SOX6: variants seen among roughly 807,000 people sequenced by gnomAD.
SOX6 encodes transcription factor SOX-6.
Under a neutral mutation model 97.8 loss-of-function variants are expected in SOX6, and 11 were observed. The observed-to-expected ratio is 0.11, with a 90% CI of 0.07 to 0.19. SOX6 has a LOEUF of 0.19. SOX6 is among the 10% of genes least tolerant of loss of function. The pLI is 1.00. For synonymous variants in SOX6, 360 were observed against 371.4 expected (o/e 0.97, Z 0.35); for missense variants, 810 against 1,039.5 (o/e 0.78, Z 3.04).
intron 3 of SOX6, among the ~76,000 whole-genome samples, chr11:16,678,560 T>C (rs1847902019): frequency 6.6e-6 from 1 of 152,194 alleles, no homozygotes. Context: ...GATTTCTGCA[T>C]TCCCAACTGA....
intron 9 of SOX6, among the ~76,000 whole-genome samples, chr11:16,069,404 T>C (rs1369243185): frequency 6.6e-6 from 1 of 152,166 alleles, no homozygotes; most frequent in Non-Finnish European, 1.5e-5. Context: ...GAACTGCAAA[T>C]AGAATTTGTA....
In SOX6 at chr11:15,972,865, G is replaced by A; in HGVS notation, c.2431C>T (p.Pro811Ser). Reference protein sequence around the residue: ...MEMYDDYEDDPKSDYSSENEA... With the variant: ...MEMYDDYEDDSKSDYSSENEA... ...TTTTCACTGCTATAGTCTGATTTGG[G>A]GTCATCTTCATAGTCATCATACATT... The change falls in exon 16 of 16, where the codon CCC (proline) becomes TCC (serine). Residue 811 changes from proline to serine, a missense_variant. Pro to Ser is a moderately conservative substitution (Grantham distance 74, BLOSUM62 -1). Transcript: ENST00000683767. 1 of 1,614,164 alleles carries A rather than the reference G, an allele frequency of 6.2e-7. No individual in the cohort carries two copies. Among genetic ancestry groups the A allele is most frequent in the Non-Finnish European group, 8.5e-7 (1 of 1,180,022 alleles).
chr11:16,484,348 G>GT lies in SOX6; in HGVS notation n.610-7961dup, dbSNP rs1449759519. ...TAAAGCCAGTTGGCCAGTGAATAAG[G>GT]TAAGGATCCAGGTAGTCCAGCTTCA... is the stretch of plus-strand genomic sequence containing the variant. On this transcript the variant is annotated intron_variant and non_coding_transcript_variant, in intron 4 of 5. Coordinates refer to the SOX6 transcript ENST00000524520. The GT allele has an allele frequency of 9.6e-6, 8 of 835,550 alleles. No individual in the cohort carries two copies. The Admixed American group carries it at 1.2e-4, about 13-fold the overall frequency. The allele number at this position is 835,550 out of a possible 1,614,324, so 51.8% of individuals were successfully genotyped here. A position where few individuals can be genotyped will look rare whatever the true frequency, so the allele number is the denominator to read the frequency against.
intron 3 of SOX6, chr11:16,315,947 T>A (rs1027825417): frequency 6.6e-6 from 1 of 152,208 alleles, no homozygotes; most frequent in Admixed American, 6.5e-5. Context: ...AACACAATAC[T>A]TCACAAACAT....
At chr11:16,344,498 G>T (rs1856724139) in intron 1 of SOX6, among the ~76,000 whole-genome samples, 2 of 151,780 alleles carry the variant, frequency 1.3e-5, no homozygotes, top group Admixed American at 6.6e-5. Flanking sequence ...TTGACTTTTG[G>T]TAATGCCTTT....
chr11:16,222,985 A>G (rs1260876424), intron 4 of SOX6, among the ~76,000 whole-genome samples: 2 of 152,196 alleles, frequency 1.3e-5, no homozygotes, highest in Non-Finnish European at 1.5e-5. Flanking sequence ...ATTATGCAGC[A>G]CAAAATTTAA....
chr11:16,404,033 A>T (rs1272905469), intron 1 of SOX6, among the ~76,000 whole-genome samples: 1 of 151,754 alleles, frequency 6.6e-6, no homozygotes, highest in Non-Finnish European at 1.5e-5. Flanking sequence ...GTAGAAAAGC[A>T]CTGTTTACAC....
chr11:16,063,496 TTATATATATATATATATATA>T (rs66968164), intron 9 of SOX6, among the ~76,000 whole-genome samples: 742 of 35,670 alleles, frequency 0.021, 17 homozygotes, highest in Non-Finnish European at 0.028. Context: ...TACCATAATT[TTATATATATATATATATATA>T]TATATATATA....
chr11:16,562,954 G>A (rs182356405), intron 4 of SOX6, among the ~76,000 whole-genome samples: 22 of 151,930 alleles, frequency 1.4e-4, no homozygotes, highest in Admixed American at 3.9e-4. Context: ...CCAGTGTTAA[G>A]GAAAGCTAGC....
At chr11:16,648,231 C>T (rs1849042294) in intron 3 of SOX6, among the ~76,000 whole-genome samples, 2 of 152,070 alleles carry the variant, frequency 1.3e-5, no homozygotes, top group Non-Finnish European at 2.9e-5. Context: ...AGGCCACTTG[C>T]TACCACTATC....
At position 16,175,205 on chromosome 11, in the gene SOX6, T is replaced by C. The variant is rs76243936; in HGVS notation, c.777+8681A>G. Among the ~76,000 whole-genome samples, 21 of 152,078 alleles carry C rather than the reference T, an allele frequency of 1.4e-4. No individual in the cohort carries two copies. The East Asian group carries it at 3.3e-3, about 24-fold the overall frequency. ...ACAAATGTGTGTATATGTGCACATG[T>C]AGAATATGTACATGAAGGTTTCTCT... On this transcript the variant is annotated intron_variant, in intron 6 of 15. Coordinates refer to ENST00000683767, the MANE Select transcript of SOX6 (RefSeq NM_001367873.1).
At chr11:16,622,693 A>G (rs1454232563) in intron 3 of SOX6, among the ~76,000 whole-genome samples, 2 of 152,062 alleles carry the variant, frequency 1.3e-5, no homozygotes, top group Admixed American at 1.3e-4. Flanking sequence ...CTGGTACCAT[A>G]TTTTTGCAAT....
chr11:16,076,894 C>T (rs964662043), intron 9 of SOX6, among the ~76,000 whole-genome samples: 1 of 151,540 alleles, frequency 6.6e-6, no homozygotes, highest in African/African-American at 2.4e-5. Context: ...GCTGGGACTA[C>T]AGGCGCCCGC....
rs1031202561 is a variant in SOX6 at position 16,583,354 on chromosome 11, T to G, written n.609+28727A>C. Among the ~76,000 whole-genome samples the G allele has an allele frequency of 2.6e-5, 4 of 151,594 alleles. No homozygotes were observed. In the East Asian group the frequency reaches 7.7e-4, roughly 29 times the overall value. On this transcript the variant is annotated intron_variant and non_coding_transcript_variant, in intron 4 of 5. Coordinates refer to the SOX6 transcript ENST00000524520. ...AAATTACTTTTAGCTATAGTCACCA[T>G]GCAGTGCTGTAGAACACTAGAACTT...
chr11:16,235,059 T>C (rs1214049435), intron 3 of SOX6, among the ~76,000 whole-genome samples: 1 of 151,964 alleles, frequency 6.6e-6, no homozygotes, highest in Non-Finnish European at 1.5e-5. Flanking sequence ...CCAAGCAAAA[T>C]GTATGTGCTG....
intron 4 of SOX6, among the ~76,000 whole-genome samples, chr11:16,567,752 T>C (rs1847891102): frequency 7.5e-6 from 1 of 132,878 alleles, no homozygotes; most frequent in South Asian, 2.3e-4. Flanking sequence ...TTTTTTTGTA[T>C]TTTTAGTAGA....
chr11:16,512,915 G>T (rs1860902646), intron 4 of SOX6, among the ~76,000 whole-genome samples: 1 of 152,194 alleles, frequency 6.6e-6, no homozygotes, highest in African/African-American at 2.4e-5. Context: ...GAATGACTCT[G>T]GGAGTACTGT....
At chr11:16,732,467 A>C (rs1334437484) in intron 2 of SOX6, among the ~76,000 whole-genome samples, 2 of 152,230 alleles carry the variant, frequency 1.3e-5, no homozygotes, top group Non-Finnish European at 2.9e-5. Context: ...GACGAACCTG[A>C]CACAAACAAG....
At chr11:16,334,325 C>A (rs891414997) in intron 2 of SOX6, among the ~76,000 whole-genome samples, 1 of 152,084 alleles carries the variant, frequency 6.6e-6, no homozygotes, top group African/African-American at 2.4e-5. Flanking sequence ...ACGCAGCCCA[C>A]ATAATCACAT....
Sources: allele counts gnomAD v4.1 joint callset (sites outside exome capture counted in the v4.1 genomes callset), GRCh38; gene constraint gnomAD v4.1.1; transcripts MANE v1.5; gene names NCBI Gene and HGNC (gene_info 2026-07-23, HGNC 2026-07-21).